The following CSMD3 variants were observed in gnomAD, a reference collection of about 807,000 sequenced individuals.
CSMD3 encodes the protein CUB and sushi domain-containing protein 3.
A neutral mutation model predicts 435.2 loss-of-function variants in CSMD3; 177 were observed. That is an observed-to-expected ratio of 0.41 (90% CI 0.36 to 0.46). The LOEUF (loss-of-function observed/expected upper bound fraction) is 0.46. CSMD3 is among the 20% of genes least tolerant of loss of function. CSMD3 has a pLI of 0.34. For missense variants in CSMD3, 4,265 were observed against 4,504.6 expected (o/e 0.95, Z 1.52); for synonymous variants, 1,656 against 1,520.5 (o/e 1.09, Z -2.07).
intron 3 of CSMD3, among the ~76,000 whole-genome samples, chr8:113,274,602 A>G: frequency 6.6e-6 from 1 of 152,076 alleles, no homozygotes; most frequent in East Asian, 1.9e-4. Context: ...AAATGTAGAG[A>G]GTGAATAAGT....
At chr8:112,899,794 C>T (rs577634475) in intron 10 of CSMD3, among the ~76,000 whole-genome samples, 122 of 145,844 alleles carry the variant, frequency 8.4e-4, no homozygotes, top group African/African-American at 2.3e-3. Context: ...GCACAATGTA[C>T]GAACAACCAG....
intron 3 of CSMD3, among the ~76,000 whole-genome samples, chr8:113,180,317 A>G (rs2092405824): frequency 6.6e-6 from 1 of 152,014 alleles, no homozygotes; most frequent in Non-Finnish European, 1.5e-5. Flanking sequence ...TATTACAAAT[A>G]TTGAACCATT....
At position 112,337,640 on chromosome 8, in the gene CSMD3, A is replaced by G. The variant is rs1296249368; in HGVS notation, c.6744T>C (p.Phe2248=). The change falls in exon 43 of 71, where the codon TTT becomes TTC. Residue 2248 remains phenylalanine (F), a synonymous_variant. Coordinates refer to ENST00000297405, the MANE Select transcript of CSMD3 (RefSeq NM_198123.2). ...TTAATGTGTATCCTGGGAAACATTC[A>G]AATGAAATGGTTTGACCCACAGTAA... ...NDFTVGQTIS[F]ECFPGYTLIG... 6.2e-7 allele frequency: 1 copy of G among 1,613,590 alleles called. No homozygotes were observed. Among genetic ancestry groups the G allele is most frequent in the Non-Finnish European group, 8.5e-7 (1 of 1,179,508 alleles).
At chr8:112,817,902 T>C (rs2079420545) in intron 12 of CSMD3, among the ~76,000 whole-genome samples, 1 of 152,130 alleles carries the variant, frequency 6.6e-6, no homozygotes, top group East Asian at 1.9e-4. Flanking sequence ...AATGAATATT[T>C]CCTTGGAGCT....
intron 10 of CSMD3, among the ~76,000 whole-genome samples, chr8:112,917,227 A>T (rs2082600071): frequency 6.6e-6 from 1 of 151,992 alleles, no homozygotes. Context: ...CTTTTGTTGA[A>T]GAAGCAAGTC....
intron 1 of CSMD3, among the ~76,000 whole-genome samples, chr8:113,392,227 A>G (rs2094463924): frequency 6.6e-6 from 1 of 152,128 alleles, no homozygotes; most frequent in Non-Finnish European, 1.5e-5. Context: ...AATTGTATAA[A>G]TTATAATTAT....
At chr8:113,263,427 TTTCCTGAC>T (rs2093443023) in intron 3 of CSMD3, among the ~76,000 whole-genome samples, 1 of 151,990 alleles carries the variant, frequency 6.6e-6, no homozygotes, top group Non-Finnish European at 1.5e-5. Context: ...TCAATTCACA[TTTCCTGAC>T]AAAAGAAAAC....
Position 112,881,173 on chromosome 8 carries a change from A to T in CSMD3, c.1634-21907T>A, listed in dbSNP as rs149824131. ...CCTCACGTTACAGGGAGAGAGACAA[A>T]CAGGAAACAACCCAAACAAGTTGAT... On this transcript the variant is annotated intron_variant, in intron 10 of 70. Transcript: ENST00000297405. Among the ~76,000 whole-genome samples, 10 of 152,116 alleles carry T rather than the reference A, an allele frequency of 6.6e-5. No homozygotes were observed. In the East Asian group the frequency reaches 1.6e-3, roughly 24 times the overall value.
rs2131202839 is a variant in CSMD3, at chr8:112,552,735, T to C, written c.4235-15A>G. ...TCCACATTCAGCTGATAAAAAATAA[T>C]AGAAATTTAAGCCACAATTTAATGC... On this transcript the variant is annotated splice_polypyrimidine_tract_variant and intron_variant, in intron 25 of 70. Transcript: ENST00000297405. 6.2e-7 allele frequency: 1 copy of C among 1,608,550 alleles called. No homozygotes were observed. The highest frequency in any genetic ancestry group is 8.5e-7 in the Non-Finnish European group (1 of 1,177,030).
chr8:112,899,636 T>C (rs1368647639), intron 10 of CSMD3, among the ~76,000 whole-genome samples: 30 of 116,998 alleles, frequency 2.6e-4, no homozygotes, highest in South Asian at 1.1e-3. Flanking sequence ...TATATATGTA[T>C]ATACATATAT....
At chr8:113,300,514 A>G (rs1292568838) in intron 2 of CSMD3, among the ~76,000 whole-genome samples, 1 of 152,208 alleles carries the variant, frequency 6.6e-6, no homozygotes, top group African/African-American at 2.4e-5. Flanking sequence ...GCCATAAGAA[A>G]GAATGAAATC....
At chr8:112,577,888 A>G (rs1481447527) in intron 23 of CSMD3, among the ~76,000 whole-genome samples, 5 of 152,112 alleles carry the variant, frequency 3.3e-5, no homozygotes, top group Non-Finnish European at 5.9e-5. Context: ...TGAATTAGCA[A>G]TTAAGGTGTT....
intron 45 of CSMD3, among the ~76,000 whole-genome samples, chr8:112,324,582 GGTGT>G (rs145199349): frequency 6.7e-6 from 1 of 149,262 alleles, no homozygotes; most frequent in Non-Finnish European, 1.5e-5. Flanking sequence ...TGTGTGTGTG[GGTGT>G]GTGTGTGTGT....
chr8:113,238,028 T>C (rs993354009), intron 3 of CSMD3, among the ~76,000 whole-genome samples: 2 of 136,012 alleles, frequency 1.5e-5, no homozygotes, highest in African/African-American at 5.7e-5. Flanking sequence ...TGAGCAGATA[T>C]CACACCATTG....
intron 2 of CSMD3, among the ~76,000 whole-genome samples, chr8:113,303,222 T>G (rs1191545104): frequency 7.2e-6 from 1 of 138,702 alleles, no homozygotes; most frequent in Admixed American, 7.5e-5. Context: ...AAGGACCTCT[T>G]CAAGGAGAAC....
chr8:112,882,961 A>G (rs1184828641), intron 10 of CSMD3, among the ~76,000 whole-genome samples: 1 of 152,010 alleles, frequency 6.6e-6, no homozygotes, highest in Non-Finnish European at 1.5e-5. Flanking sequence ...GCTCATATTT[A>G]AGATTGAGAA....
At chr8:112,846,289 C>G (rs2080317692) in intron 11 of CSMD3, among the ~76,000 whole-genome samples, 1 of 144,100 alleles carries the variant, frequency 6.9e-6, no homozygotes. Flanking sequence ...TTCCTTCTCT[C>G]TCTCTCTTTC....
At chr8:112,277,136 T>G (rs1184979294) in intron 59 of CSMD3, among the ~76,000 whole-genome samples, 3 of 152,134 alleles carry the variant, frequency 2.0e-5, no homozygotes, top group Admixed American at 6.5e-5. Context: ...AGAAAATGGG[T>G]TTTTCTTTAC....
intron 4 of CSMD3, among the ~76,000 whole-genome samples, chr8:113,131,097 T>G (rs567564157): frequency 6.6e-6 from 1 of 152,224 alleles, no homozygotes; most frequent in African/African-American, 2.4e-5. Flanking sequence ...AATTTGAAGT[T>G]ATATTTAAAA....
Sources: allele counts gnomAD v4.1 joint callset (sites outside exome capture counted in the v4.1 genomes callset), GRCh38; gene constraint gnomAD v4.1.1; transcripts MANE v1.5; gene names NCBI Gene and HGNC (gene_info 2026-07-23, HGNC 2026-07-21).